The following DDX18 variants were observed in gnomAD, a reference collection of about 807,000 sequenced individuals.
The protein encoded by DDX18 is DEAD-box helicase 18, also known as ATP-dependent RNA helicase DDX18.
Under a neutral mutation model 73.5 loss-of-function variants are expected in DDX18, and 23 were observed. That is an observed-to-expected ratio of 0.31 (90% CI 0.23 to 0.44). The LOEUF (loss-of-function observed/expected upper bound fraction) is 0.44. Ranked by LOEUF, DDX18 falls within the 20% of genes least tolerant of loss-of-function variation. The probability of loss-of-function intolerance (pLI) is 1.00; values close to 1 mark genes in which losing one functional copy is unlikely to be tolerated. For missense variants in DDX18, 753 were observed against 792.9 expected, an observed-to-expected ratio of 0.95 and a Z score of 0.60; for synonymous variants, 268 against 282.7, an observed-to-expected ratio of 0.95 and a Z score of 0.52.
rs1679842090 is a variant in DDX18, at chr2:117,821,228, A to T, written c.582A>T (p.Ile194=). Residue 194 remains isoleucine, a synonymous_variant, in exon 4 of 14, where the codon ATA becomes ATT. Transcript: ENST00000263239. ...NLVNENTLKA[I]KEMGFTNMTE... is the part of the protein sequence containing the mutation. Reference sequence around the variant, plus strand: ...TCAATGAAAACACTCTGAAGGCAATAAAAGAAATGGGTTTTACAAACATGA... The same window carrying T: ...TCAATGAAAACACTCTGAAGGCAATTAAAGAAATGGGTTTTACAAACATGA... 5 of 1,612,272 alleles carry T rather than the reference A, an allele frequency of 3.1e-6. No individual in the cohort carries two copies. The African/African-American group carries it at 6.7e-5, about 21-fold the overall frequency.
Position 117,825,570 on chromosome 2 carries a change from G to T in DDX18, c.1492G>T (p.Val498Phe). Reference sequence around the variant, plus strand: ...AGACATTCCTGAAGTCGACTGGATTGTTCAGTATGACCCTCCGGATGACCC... The same window carrying T: ...AGACATTCCTGAAGTCGACTGGATTTTTCAGTATGACCCTCCGGATGACCC... ...GLDIPEVDWI[V>F]QYDPPDDPKE... is the part of the protein sequence containing the mutation. The change falls in exon 10 of 14, where the codon GTT (valine) becomes TTT (phenylalanine). Residue 498 changes from valine (V) to phenylalanine (F), a missense_variant. Physicochemically the swap from Val to Phe is conservative, Grantham distance 50 (BLOSUM62 -1). This residue lies in a region of DDX18 where 402 missense variants were observed against 419.4 expected (regional missense o/e 0.96). Transcript: ENST00000263239. 1 of 1,614,168 alleles carries T rather than the reference G, an allele frequency of 6.2e-7. No homozygotes were observed. The highest frequency in any genetic ancestry group is 1.1e-5 in the South Asian group (1 of 91,086).
At position 117,821,250 on chromosome 2, in the gene DDX18, A is replaced by G. The variant is rs982439263; in HGVS notation, c.604A>G (p.Met202Val). ...KAIKEMGFTNMTEIQHKSIRP... is the reference protein window; with the variant it reads ...KAIKEMGFTNVTEIQHKSIRP... ...AATAAAAGAAATGGGTTTTACAAACATGACTGAAATTCAGCATAAAAGTAT... is the reference window on the plus strand; with the variant it reads ...AATAAAAGAAATGGGTTTTACAAACGTGACTGAAATTCAGCATAAAAGTAT... The change falls in exon 4 of 14, where the codon ATG becomes GTG. Residue 202 changes from methionine to valine, a missense_variant. By Grantham distance (21) the Met-to-Val change is conservative. Transcript: ENST00000263239. 1 of 1,612,300 alleles carries G rather than the reference A, an allele frequency of 6.2e-7. No homozygotes were observed. Among genetic ancestry groups the G allele is most frequent in the Non-Finnish European group, 8.5e-7 (1 of 1,179,330 alleles).
In DDX18 at chr2:117,819,667, C is replaced by G. The variant is rs151029373; in HGVS notation, c.389C>G (p.Thr130Ser). The G allele has an allele frequency of 1.3e-4, 207 of 1,583,520 alleles. 1 individual carries two copies. The African/African-American group carries it at 2.6e-3, about 20-fold the overall frequency. ...ACCAAAGATACGAAAAAAGCAAAAACTGAAAACAAAGGGAAATCTGAAGAA... is the reference window on the plus strand; with the variant it reads ...ACCAAAGATACGAAAAAAGCAAAAAGTGAAAACAAAGGGAAATCTGAAGAA... ...DAEPDTKKAK[T>S]ENKGKSEEES... Residue 130 changes from threonine to serine, a missense_variant, in exon 3 of 14, where the codon ACT (threonine) becomes AGT (serine). Coordinates refer to ENST00000263239, the MANE Select transcript of DDX18 (RefSeq NM_006773.4).
At chr2:117,814,969 G>C (rs896424901) in intron 1 of DDX18, 107 bp downstream of exon 1, 37 of 1,155,388 alleles carry the variant, frequency 3.2e-5, no homozygotes, top group Non-Finnish European at 4.8e-5. Context: ...AGCTTCCCCT[G>C]CAGCGTGTGT....
rs139665140 is a variant in DDX18, at chr2:117,819,888, C to T, written c.514+96C>T. ...AGGTTCAGTTGTGACTTTCAGTTTA[C>T]CTGAAAAAAGTAACTATCAACAAGA... On this transcript the variant is annotated intron_variant, in intron 3 of 13. Coordinates refer to ENST00000263239, the MANE Select transcript of DDX18 (RefSeq NM_006773.4). 117 of 1,228,530 alleles carry T rather than the reference C, an allele frequency of 9.5e-5. No homozygotes were observed. In the African/African-American group the frequency reaches 1.3e-3, roughly 13 times the overall value. The allele number at this position is 1,228,530 out of a possible 1,614,324, so 76.1% of individuals were successfully genotyped here. A position where few individuals can be genotyped will look rare whatever the true frequency, so the allele number is the denominator to read the frequency against.
Position 117,826,393 on chromosome 2 carries a change from G to C in DDX18, c.1635+11G>C. 6.2e-7 allele frequency: 1 copy of C among 1,608,128 alleles called. No homozygotes were observed. Among genetic ancestry groups the C allele is most frequent in the East Asian group, 2.2e-5 (1 of 44,826 alleles). Reference sequence around the variant, plus strand: ...TTGAAACAATCCAAGGTAAAGATCTGTACTTGGAGAAAGATTTCTCTTGGT... The same window carrying C: ...TTGAAACAATCCAAGGTAAAGATCTCTACTTGGAGAAAGATTTCTCTTGGT... On this transcript the variant is annotated intron_variant, in intron 11 of 13. Coordinates refer to ENST00000263239, the MANE Select transcript of DDX18 (RefSeq NM_006773.4).
At chr2:117,820,947 A>C (rs1041341555) in intron 3 of DDX18, among the ~76,000 whole-genome samples, 12 of 152,086 alleles carry the variant, frequency 7.9e-5, no homozygotes, top group Admixed American at 1.3e-4. Flanking sequence ...TTGTTATAGT[A>C]TGGTCTCTGG....
In DDX18 at chr2:117,821,194, G is replaced by A. The variant is rs61748152; in HGVS notation, c.548G>A (p.Cys183Tyr). ...AFEDTSFASL[C>Y]NLVNENTLKA... is the part of the protein sequence containing the mutation. ...GAGGATACTTCGTTTGCTTCTCTATGTAATCTTGTCAATGAAAACACTCTG... is the reference window on the plus strand; with the variant it reads ...GAGGATACTTCGTTTGCTTCTCTATATAATCTTGTCAATGAAAACACTCTG... Residue 183 changes from cysteine (C) to tyrosine (Y), a missense_variant, in exon 4 of 14, where the codon TGT (cysteine) becomes TAT (tyrosine). This residue lies in a region of DDX18 where 345 missense variants were observed against 352.0 expected (regional missense o/e 0.98). Coordinates refer to ENST00000263239, the MANE Select transcript of DDX18 (RefSeq NM_006773.4). 0.011 allele frequency: 18,292 copies of A among 1,606,406 alleles called. 132 individuals are homozygous for A. The highest frequency in any genetic ancestry group is 0.013 in the Non-Finnish European group (15,451 of 1,176,880).
chr2:117,814,987 G>A (rs1679732230), intron 1 of DDX18, 125 bp downstream of exon 1: 12 of 998,846 alleles, frequency 1.2e-5, no homozygotes, highest in Non-Finnish European at 1.8e-5. Context: ...TGTGATTGGG[G>A]AGAGTGAAAA....
At chr2:117,815,064 T>C in intron 1 of DDX18, 1 of 593,754 alleles carries the variant, frequency 1.7e-6, no homozygotes, top group Non-Finnish European at 3.0e-6. Flanking sequence ...GCTCCTGACC[T>C]TTCTGAGCAA....
chr2:117,829,520 G>A, intron 13 of DDX18, 54 bp downstream of exon 13: 1 of 1,540,602 alleles, frequency 6.5e-7, no homozygotes, highest in Admixed American at 1.9e-5. Flanking sequence ...AAGCTTGACA[G>A]AGGGGCATTT....
At position 117,814,693 on chromosome 2, in the gene DDX18, G is replaced by GT; in HGVS notation, c.-84dup. ...GTTTCCTGTTGGCCGAGCTGCGCAC[G>GT]TGCGGCCGGAAGGGAAGTAACGTCA... is the stretch of plus-strand genomic sequence containing the variant. On this transcript the variant is annotated 5_prime_UTR_variant, in exon 1 of 14. Coordinates refer to ENST00000263239, the MANE Select transcript of DDX18 (RefSeq NM_006773.4). 1 of 1,408,180 alleles carries GT rather than the reference G, an allele frequency of 7.1e-7. No individual in the cohort carries two copies. Among genetic ancestry groups the GT allele is most frequent in the South Asian group, 1.2e-5 (1 of 81,724 alleles). The allele number at this position is 1,408,180 out of a possible 1,614,324, so 87.2% of individuals were successfully genotyped here.
At position 117,830,954 on chromosome 2, in the gene DDX18, A is replaced by G; in HGVS notation, c.*230A>G. 1 of 499,368 alleles carries G rather than the reference A, an allele frequency of 2.0e-6. No homozygotes were observed. The highest frequency in any genetic ancestry group is 3.0e-5 in the South Asian group (1 of 33,646). The allele number at this position is 499,368 out of a possible 1,614,324, so 30.9% of individuals were successfully genotyped here. On this transcript the variant is annotated 3_prime_UTR_variant, in exon 14 of 14. Coordinates refer to ENST00000263239, the MANE Select transcript of DDX18 (RefSeq NM_006773.4). ...GTTGCCCAAGGGCAGAGCAAGGAAT[A>G]TCTGGTGTTTCTTGTGATGATAATA...
intron 12 of DDX18, 67 bp downstream of exon 12, chr2:117,829,072 C>T: frequency 7.3e-7 from 1 of 1,366,070 alleles, no homozygotes; most frequent in South Asian, 1.2e-5. Flanking sequence ...TGTAGTGATT[C>T]ACTGGGCAAT....
At chr2:117,827,693 T>G (rs1224626580) in intron 11 of DDX18, 1 of 152,192 alleles carries the variant, frequency 6.6e-6, no homozygotes, top group East Asian at 1.9e-4. Context: ...CTGCATAGTA[T>G]TCCATGGTGT....
intron 1 of DDX18, 45 bp downstream of exon 1, chr2:117,814,907 G>A (rs754862540): frequency 6.2e-7 from 1 of 1,608,472 alleles, no homozygotes; most frequent in East Asian, 2.2e-5. Flanking sequence ...CCACGCGCGA[G>A]CCCTGGCGCG....
At chr2:117,817,378 G>T in intron 1 of DDX18, 66 bp from the exon 2 acceptor site, 1 of 1,433,334 alleles carries the variant, frequency 7.0e-7, no homozygotes, top group Non-Finnish European at 9.3e-7. Flanking sequence ...TCTCATTTGG[G>T]ATTTCAGTGT....
chr2:117,823,510 T>G (rs1679878956), intron 7 of DDX18, among the ~76,000 whole-genome samples: 1 of 152,190 alleles, frequency 6.6e-6, no homozygotes, highest in South Asian at 2.1e-4. Context: ...ATATTGATCT[T>G]GTATCTAGCA....
At chr2:117,822,533 C>A (rs1679863689) in intron 7 of DDX18, 2 of 336,748 alleles carry the variant, frequency 5.9e-6, no homozygotes, top group Non-Finnish European at 1.1e-5. Context: ...CCTCATCTAA[C>A]ATCCCCCAAG....
Sources: allele counts gnomAD v4.1 joint callset (sites outside exome capture counted in the v4.1 genomes callset), GRCh38; gene constraint gnomAD v4.1.1; regional missense constraint gnomAD v4.1.1; transcripts MANE v1.5; gene names NCBI Gene and HGNC (gene_info 2026-07-23, HGNC 2026-07-21).